Variants in SNTB1 observed in about 807,000 individuals in gnomAD.
SNTB1 encodes the protein beta-1-syntrophin.
A neutral mutation model predicts 48.9 loss-of-function variants in SNTB1; 36 were observed. The ratio of observed to expected loss-of-function variants is 0.74; its 90% CI spans 0.56 to 0.97. The LOEUF is 0.97. Among genes scored for constraint, SNTB1 ranks in the 50% least tolerant of loss-of-function variants. The pLI is 0.00. For missense variants in SNTB1, 786 were observed against 703.4 expected (o/e 1.12, Z -1.33); for synonymous variants, 299 against 294.6 (o/e 1.01, Z -0.15).
At chr8:120,606,026 C>T (rs1208972422) in intron 3 of SNTB1, among the ~76,000 whole-genome samples, 1 of 152,032 alleles carries the variant, frequency 6.6e-6, no homozygotes, top group Non-Finnish European at 1.5e-5. Context: ...GTGGAATGCA[C>T]AAACTGCACA....
At chr8:120,654,389 T>C (rs1817464693) in intron 2 of SNTB1, among the ~76,000 whole-genome samples, 1 of 152,162 alleles carries the variant, frequency 6.6e-6, no homozygotes, top group Non-Finnish European at 1.5e-5. Flanking sequence ...CCTATTTTGT[T>C]CCCCAGTTGA....
chr8:120,810,679 C>A (rs1820409387), intron 1 of SNTB1, among the ~76,000 whole-genome samples: 1 of 152,132 alleles, frequency 6.6e-6, no homozygotes, highest in South Asian at 2.1e-4. Context: ...CCAGGCATAA[C>A]CCTAGTCCCC....
At chr8:120,781,739 C>A (rs1819833216) in intron 1 of SNTB1, among the ~76,000 whole-genome samples, 1 of 152,084 alleles carries the variant, frequency 6.6e-6, no homozygotes, top group Admixed American at 6.5e-5. Flanking sequence ...TTCTATAGGT[C>A]CTCCTGGAAA....
intron 4 of SNTB1, among the ~76,000 whole-genome samples, chr8:120,551,867 T>A (rs1815487371): frequency 6.6e-6 from 1 of 151,890 alleles, no homozygotes; most frequent in Admixed American, 6.6e-5. Flanking sequence ...AAAAATATAA[T>A]ACCTACCCCA....
chr8:120,639,045 A>G (rs1180807621), intron 2 of SNTB1, among the ~76,000 whole-genome samples: 1 of 152,220 alleles, frequency 6.6e-6, no homozygotes, highest in Non-Finnish European at 1.5e-5. Context: ...CATCCTCTCC[A>G]GCACCTGTTG....
chr8:120,600,266 G>T (rs143892957), intron 3 of SNTB1, among the ~76,000 whole-genome samples: 1 of 152,220 alleles, frequency 6.6e-6, no homozygotes, highest in African/African-American at 2.4e-5. Flanking sequence ...GGAACACTGC[G>T]CCCCTGGGAT....
chr8:120,722,364 A>G (rs1818676403), intron 1 of SNTB1, among the ~76,000 whole-genome samples: 1 of 152,202 alleles, frequency 6.6e-6, no homozygotes, highest in Admixed American at 6.5e-5. Context: ...TCCCATCAAC[A>G]GTGTAAAAGT....
At chr8:120,654,228 T>C (rs926914854) in intron 2 of SNTB1, among the ~76,000 whole-genome samples, 1 of 151,906 alleles carries the variant, frequency 6.6e-6, no homozygotes, top group African/African-American at 2.4e-5. Context: ...GACTTCCTTC[T>C]TGGGGTAAAG....
At chr8:120,607,918 G>T (rs1239683721) in intron 3 of SNTB1, among the ~76,000 whole-genome samples, 2 of 152,168 alleles carry the variant, frequency 1.3e-5, no homozygotes, top group Admixed American at 1.3e-4. Context: ...AAAAGAAATG[G>T]CTTTATTGCC....
chr8:120,754,205 AATAGTTAAGAAAT>A (rs548158226), intron 1 of SNTB1, among the ~76,000 whole-genome samples: 3 of 152,056 alleles, frequency 2.0e-5, no homozygotes, highest in Non-Finnish European at 4.4e-5. Flanking sequence ...CATATGGGGG[AATAGTTAAGAAAT>A]ATAGTTAAGA....
chr8:120,725,788 T>A lies in SNTB1; in HGVS notation c.572-31880A>T, dbSNP rs527315875. ...AAAGGACTTTTAAGATACTGTCTAA[T>A]CTGTATTCTTACCTTAAGGCAACTC... On this transcript the variant is annotated intron_variant, in intron 1 of 6. Transcript: ENST00000517992. Among the ~76,000 whole-genome samples the A allele has an allele frequency of 6.6e-5, 10 of 152,316 alleles. No homozygotes were observed. In the South Asian group the frequency reaches 2.1e-3, roughly 32 times the overall value.
intron 2 of SNTB1, among the ~76,000 whole-genome samples, chr8:120,690,753 T>G (rs1818111465): frequency 6.6e-6 from 1 of 152,222 alleles, no homozygotes; most frequent in Non-Finnish European, 1.5e-5. Flanking sequence ...ATTCCACATT[T>G]CTGATGGTAC....
intron 2 of SNTB1, among the ~76,000 whole-genome samples, chr8:120,676,658 TA>T (rs1389135687): frequency 6.6e-6 from 1 of 152,216 alleles, no homozygotes; most frequent in Non-Finnish European, 1.5e-5. Flanking sequence ...CTTCTCACCC[TA>T]TGAAGGATTC....
intron 2 of SNTB1, among the ~76,000 whole-genome samples, chr8:120,680,251 G>T (rs1203579129): frequency 6.6e-6 from 1 of 152,154 alleles, no homozygotes. Context: ...CAACTTACTT[G>T]TAGATATTCC....
rs1020822771 is a variant in SNTB1, at chr8:120,645,627, G to A, written c.789-12976C>T. 7.7e-4 allele frequency among the ~76,000 whole-genome samples: 103 copies of A among 134,418 alleles called. 2 individuals are homozygous for A. The highest frequency in any genetic ancestry group is 2.6e-3 in the African/African-American group (92 of 35,800). 88.2% of individuals were successfully genotyped at this position (134,418 alleles called of 152,430 possible). A position where few individuals can be genotyped will look rare whatever the true frequency, so the allele number is the denominator to read the frequency against. On this transcript the variant is annotated intron_variant, in intron 2 of 6. Transcript: ENST00000517992. ...CCTCCAGCTTTGTTCTTTTGGCTTA[G>A]GATTGACTTGGCAATGCGGGCTCTT... is the stretch of plus-strand genomic sequence containing the variant.
intron 1 of SNTB1, among the ~76,000 whole-genome samples, chr8:120,717,765 G>A (rs1435899987): frequency 6.6e-6 from 1 of 152,160 alleles, no homozygotes; most frequent in Non-Finnish European, 1.5e-5. Flanking sequence ...TACAGAAACA[G>A]GGCCAGGGTC....
intron 1 of SNTB1, among the ~76,000 whole-genome samples, chr8:120,810,789 G>C (rs1249612506): frequency 6.6e-6 from 1 of 152,062 alleles, no homozygotes; most frequent in African/African-American, 2.4e-5. Flanking sequence ...TCTTCTGCTG[G>C]GCTGCCCAGG....
At chr8:120,764,325 T>C (rs1819479114) in intron 1 of SNTB1, among the ~76,000 whole-genome samples, 1 of 152,158 alleles carries the variant, frequency 6.6e-6, no homozygotes, top group South Asian at 2.1e-4. Context: ...TTAAGTGAAA[T>C]ATTCCATGTG....
chr8:120,629,004 C>G (rs1816934824), intron 3 of SNTB1, among the ~76,000 whole-genome samples: 1 of 152,048 alleles, frequency 6.6e-6, no homozygotes, highest in Admixed American at 6.6e-5. Flanking sequence ...AAATAATCTT[C>G]CACAATCAAG....
Sources: allele counts gnomAD v4.1 joint callset (sites outside exome capture counted in the v4.1 genomes callset), GRCh38; gene constraint gnomAD v4.1.1; transcripts MANE v1.5; gene names NCBI Gene and HGNC (gene_info 2026-07-23, HGNC 2026-07-21).